The following ARB2A variants were observed in gnomAD, a reference collection of about 807,000 sequenced individuals.
ARB2A encodes ARB2 cotranscriptional regulator A.
the ARB2A span, among the ~76,000 whole-genome samples, chr5:93,931,294 G>A: frequency 1.3e-5 from 2 of 152,056 alleles, no homozygotes; most frequent in African/African-American, 4.8e-5. Context: ...ATGAAACCCC[G>A]TCTCTACTAA....
chr5:93,873,924 G>C, the ARB2A span, among the ~76,000 whole-genome samples: 2 of 152,130 alleles, frequency 1.3e-5, no homozygotes, highest in East Asian at 3.9e-4. Context: ...TTGCAGAAAG[G>C]ATGAATTCTA....
the ARB2A span, chr5:93,865,387 G>C: frequency 2.0e-6 from 2 of 985,250 alleles, 1 homozygote; most frequent in African/African-American, 3.5e-5. Context: ...GCCGATCCTG[G>C]ATAATTTCAT....
the ARB2A span, among the ~76,000 whole-genome samples, chr5:94,014,731 C>A: frequency 6.6e-5 from 10 of 150,984 alleles, no homozygotes; most frequent in Non-Finnish European, 1.3e-4. Context: ...AATCTTGGAA[C>A]GGAGAAATAC....
At chr5:93,785,313 C>T in the ARB2A span, among the ~76,000 whole-genome samples, 1 of 152,026 alleles carries the variant, frequency 6.6e-6, no homozygotes, top group Non-Finnish European at 1.5e-5. Context: ...ATAAAAATTG[C>T]AGTTAAAATA....
chr5:93,972,203 A>C, the ARB2A span, among the ~76,000 whole-genome samples: 11 of 152,184 alleles, frequency 7.2e-5, no homozygotes, highest in South Asian at 1.2e-3. Context: ...TCCTGCACCC[A>C]CCAACCAGCT....
chr5:94,056,408 T>G, the ARB2A span, among the ~76,000 whole-genome samples: 1 of 152,206 alleles, frequency 6.6e-6, no homozygotes, highest in African/African-American at 2.4e-5. Context: ...TTTTTCTGCT[T>G]TGTAAGAGAA....
chr5:93,865,844 T>C, the ARB2A span: 20 of 985,310 alleles, frequency 2.0e-5, no homozygotes, highest in African/African-American at 7.0e-5. Flanking sequence ...GTGATATTTA[T>C]ACAATTTGTG....
chr5:93,900,943 C>T, the ARB2A span, among the ~76,000 whole-genome samples: 1 of 152,238 alleles, frequency 6.6e-6, no homozygotes, highest in African/African-American at 2.4e-5. Context: ...ACCGACAGCA[C>T]CCACTGGTCT....
the ARB2A span, among the ~76,000 whole-genome samples, chr5:94,045,256 C>T: frequency 1.3e-5 from 2 of 151,986 alleles, no homozygotes; most frequent in African/African-American, 2.4e-5. Flanking sequence ...ACCAGCAGCC[C>T]TCAGGGCTGC....
the ARB2A span, among the ~76,000 whole-genome samples, chr5:93,979,334 A>G: frequency 6.8e-4 from 103 of 152,272 alleles, no homozygotes; most frequent in African/African-American, 2.4e-3. Context: ...CAAGAAGTAT[A>G]TTATGGTTCA....
the ARB2A span, among the ~76,000 whole-genome samples, chr5:93,842,253 T>C: frequency 5.9e-5 from 9 of 152,276 alleles, 1 homozygote; most frequent in Admixed American, 5.2e-4. Context: ...TGCCTGCCTG[T>C]TTTTGTAAAT....
the ARB2A span, among the ~76,000 whole-genome samples, chr5:93,761,799 C>T: frequency 6.6e-6 from 1 of 152,224 alleles, no homozygotes; most frequent in Non-Finnish European, 1.5e-5. Context: ...AACTGGGAGG[C>T]ACCCCCGAGT....
At chr5:93,833,345 T>C in the ARB2A span, among the ~76,000 whole-genome samples, 1 of 152,210 alleles carries the variant, frequency 6.6e-6, no homozygotes, top group Non-Finnish European at 1.5e-5. Flanking sequence ...ATTTCAGGAA[T>C]CCAGCTTCTA....
the ARB2A span, chr5:93,741,242 G>A: frequency 1.2e-6 from 2 of 1,613,898 alleles, no homozygotes; most frequent in Non-Finnish European, 8.5e-7. Context: ...GGAATGCTCC[G>A]CAGGGCAATG....
chr5:93,793,727 G>A, the ARB2A span, among the ~76,000 whole-genome samples: 3 of 152,120 alleles, frequency 2.0e-5, no homozygotes, highest in Admixed American at 6.5e-5. Context: ...CTAAGACAAC[G>A]TTTAGCATGC....
At chr5:93,694,363 C>T in the ARB2A span, among the ~76,000 whole-genome samples, 3 of 152,082 alleles carry the variant, frequency 2.0e-5, no homozygotes, top group South Asian at 6.2e-4. Context: ...GATCAATGTG[C>T]AAAAATCACA....
At chr5:93,691,516 T>C in the ARB2A span, among the ~76,000 whole-genome samples, 1 of 151,298 alleles carries the variant, frequency 6.6e-6, no homozygotes, top group Non-Finnish European at 1.5e-5. Flanking sequence ...CTCCAAGAAA[T>C]ATGGGACTAT....
the ARB2A span, among the ~76,000 whole-genome samples, chr5:93,957,576 C>T: frequency 6.6e-6 from 1 of 151,966 alleles, no homozygotes; most frequent in South Asian, 2.1e-4. Flanking sequence ...TATACACTGT[C>T]GAAATTAGCA....
the ARB2A span, among the ~76,000 whole-genome samples, chr5:93,954,071 C>T: frequency 1.3e-5 from 2 of 152,150 alleles, no homozygotes; most frequent in African/African-American, 4.8e-5. Flanking sequence ...GCCCAAGAGT[C>T]AAGGCCTAGA....
Sources: allele counts gnomAD v4.1 joint callset (sites outside exome capture counted in the v4.1 genomes callset), GRCh38; gene constraint gnomAD v4.1.1; transcripts MANE v1.5; gene names NCBI Gene and HGNC (gene_info 2026-07-23, HGNC 2026-07-21).